Variants in RERE observed in about 807,000 individuals in gnomAD.
RERE encodes arginine-glutamic acid dipeptide repeats.
Under a neutral mutation model 146.1 loss-of-function variants are expected in RERE, and 40 were observed. The ratio of observed to expected loss-of-function variants is 0.27; its 90% CI spans 0.21 to 0.36. The LOEUF (loss-of-function observed/expected upper bound fraction) is 0.36. RERE is among the 10% of genes least tolerant of loss of function. The pLI is 1.00. For missense variants in RERE, 1,933 were observed against 2,138.7 expected, an observed-to-expected ratio of 0.90 and a Z score of 1.90; for synonymous variants, 1,003 against 866.0, an observed-to-expected ratio of 1.16 and a Z score of -2.78.
chr1:8,594,103 C>T (rs757490825), intron 4 of RERE, among the ~76,000 whole-genome samples: 1 of 152,180 alleles, frequency 6.6e-6, no homozygotes, highest in Non-Finnish European at 1.5e-5. Context: ...CACAGCACTA[C>T]ATTATCGCTT....
intron 4 of RERE, among the ~76,000 whole-genome samples, chr1:8,593,483 T>C (rs1251840395): frequency 6.6e-6 from 1 of 152,140 alleles, no homozygotes; most frequent in Non-Finnish European, 1.5e-5. Context: ...ATGTAAAACA[T>C]GACTTTGCTC....
At chr1:8,623,844 C>T (rs1300394488) in intron 3 of RERE, among the ~76,000 whole-genome samples, 4 of 152,138 alleles carry the variant, frequency 2.6e-5, no homozygotes, top group Non-Finnish European at 5.9e-5. Context: ...CAACCGCTAC[C>T]CCGGGAAACC....
intron 12 of RERE, among the ~76,000 whole-genome samples, chr1:8,379,649 T>C (rs1642376681): frequency 6.6e-6 from 1 of 152,152 alleles, no homozygotes; most frequent in Non-Finnish European, 1.5e-5. Flanking sequence ...GCCCAGGAAG[T>C]GTGGGACTGG....
chr1:8,401,046 T>C (rs1421073627), intron 12 of RERE, among the ~76,000 whole-genome samples: 1 of 55,288 alleles, frequency 1.8e-5, no homozygotes, highest in Non-Finnish European at 3.9e-5. Flanking sequence ...ACCATATATA[T>C]ATATATATAT....
intron 1 of RERE, chr1:8,703,182 A>G (rs1266776406): frequency 6.6e-6 from 1 of 151,638 alleles, no homozygotes; most frequent in Non-Finnish European, 1.5e-5. Flanking sequence ...CGGGGAGTGA[A>G]GTGCACTTGC....
At chr1:8,481,862 G>C (rs1420394726) in intron 10 of RERE, among the ~76,000 whole-genome samples, 1 of 152,200 alleles carries the variant, frequency 6.6e-6, no homozygotes, top group Non-Finnish European at 1.5e-5. Context: ...CTTATAAGCT[G>C]AGACTGCACT....
rs1239710035 is a variant in RERE, at chr1:8,356,557, C to T, written c.4340-311G>A. On this transcript the variant is annotated intron_variant, in intron 20 of 22. Coordinates refer to ENST00000400908, the MANE Select transcript of RERE (RefSeq NM_001042681.2). This position sits in a 1 kb window ranked among gnomAD's most constrained non-coding sequence, Gnocchi z 5.2. Reference sequence around the variant, plus strand: ...GACCCGGGATCAGCAGGGTCCCTCTCGCCGGCCACCTGGGCCTGCCCTCTG... The same window carrying T: ...GACCCGGGATCAGCAGGGTCCCTCTTGCCGGCCACCTGGGCCTGCCCTCTG... Among the ~76,000 whole-genome samples the T allele has an allele frequency of 6.6e-6, 1 of 152,194 alleles. No individual in the cohort carries two copies. Among genetic ancestry groups the T allele is most frequent in the Non-Finnish European group, 1.5e-5 (1 of 68,024 alleles).
intron 12 of RERE, among the ~76,000 whole-genome samples, chr1:8,392,998 G>A (rs1642937428): frequency 6.6e-6 from 1 of 152,160 alleles, no homozygotes; most frequent in Non-Finnish European, 1.5e-5. Flanking sequence ...CAATGAAGAT[G>A]TGCACCAAAA....
At chr1:8,650,759 T>C (rs983762793) in intron 2 of RERE, among the ~76,000 whole-genome samples, 14 of 152,144 alleles carry the variant, frequency 9.2e-5, no homozygotes, top group Admixed American at 8.5e-4. Flanking sequence ...TAGCTGGGCA[T>C]GGTGGCACGC....
At chr1:8,444,908 C>A (rs1179645151) in intron 11 of RERE, among the ~76,000 whole-genome samples, 1 of 147,778 alleles carries the variant, frequency 6.8e-6, no homozygotes, top group Admixed American at 6.7e-5. Flanking sequence ...AATTAAACCT[C>A]TTTTCTTTAT....
chr1:8,446,174 T>C (rs1452696754), intron 11 of RERE, among the ~76,000 whole-genome samples: 2 of 152,220 alleles, frequency 1.3e-5, no homozygotes, highest in Admixed American at 1.3e-4. Flanking sequence ...CTTTTAAGAA[T>C]GTTGAATATT....
chr1:8,385,509 T>C (rs1642605739), intron 12 of RERE, among the ~76,000 whole-genome samples: 1 of 152,042 alleles, frequency 6.6e-6, no homozygotes, highest in Non-Finnish European at 1.5e-5. Context: ...CTGCCTTACA[T>C]TAACACAAAG....
intron 1 of RERE, among the ~76,000 whole-genome samples, chr1:8,719,187 C>G (rs778786220): frequency 2.0e-5 from 3 of 152,056 alleles, no homozygotes; most frequent in Non-Finnish European, 4.4e-5. Context: ...GTTCTGCAAG[C>G]AGAGCATCCA....
chr1:8,738,877 A>G (rs904131910), intron 1 of RERE, among the ~76,000 whole-genome samples: 3 of 152,084 alleles, frequency 2.0e-5, no homozygotes, highest in Non-Finnish European at 2.9e-5. Flanking sequence ...GCAATCTCCA[A>G]TCCAGGTCTT....
chr1:8,619,834 CTT>C (rs1485064123), intron 3 of RERE, among the ~76,000 whole-genome samples: 4 of 152,204 alleles, frequency 2.6e-5, no homozygotes, highest in Non-Finnish European at 4.4e-5. Flanking sequence ...GAATGCCCTT[CTT>C]GTCAATCCTA....
chr1:8,646,947 C>G (rs1647337804), intron 2 of RERE, among the ~76,000 whole-genome samples: 3 of 152,124 alleles, frequency 2.0e-5, no homozygotes, highest in Admixed American at 2.0e-4. Flanking sequence ...ATGGCAAAAC[C>G]TTGTCTCTAC....
intron 2 of RERE, among the ~76,000 whole-genome samples, chr1:8,637,786 T>C (rs1647120611): frequency 6.6e-6 from 1 of 152,232 alleles, no homozygotes; most frequent in African/African-American, 2.4e-5. Flanking sequence ...ATTTCTTCAA[T>C]TTCAAAACTA....
intron 4 of RERE, among the ~76,000 whole-genome samples, chr1:8,609,482 G>C (rs1187512252): frequency 6.6e-6 from 1 of 152,164 alleles, no homozygotes; most frequent in Non-Finnish European, 1.5e-5. Context: ...TGAAAATCCA[G>C]CCATCTTAAT....
At chr1:8,700,115 G>A (rs894557987) in intron 1 of RERE, among the ~76,000 whole-genome samples, 6 of 152,004 alleles carry the variant, frequency 3.9e-5, no homozygotes, top group East Asian at 1.9e-4. Flanking sequence ...GACCAACCTC[G>A]CCAACATAGT....
Sources: gnomAD v4.1 joint callset for allele counts (sites outside exome capture counted in the v4.1 genomes callset) on GRCh38, gnomAD v4.1.1 for gene constraint, Gnocchi (gnomAD v3.1) non-coding constraint, MANE v1.5 for transcripts, NCBI Gene and HGNC (gene_info 2026-07-23, HGNC 2026-07-21) for gene names.